The following LGALS8 variants were observed in gnomAD, a reference collection of about 807,000 sequenced individuals.
The protein encoded by LGALS8 is galectin-8.
LGALS8 carries 30 observed loss-of-function variants against 35.9 expected under a neutral mutation model. That is an observed-to-expected ratio of 0.83 (90% CI 0.62 to 1.13). The LOEUF (loss-of-function observed/expected upper bound fraction) is 1.13. LGALS8 is among the 50% of genes most tolerant of loss of function. The probability of loss-of-function intolerance (pLI) is 0.00; values close to 1 mark genes in which losing one functional copy is unlikely to be tolerated. For synonymous variants in LGALS8, 138 were observed against 136.1 expected (o/e 1.01, Z -0.10); for missense variants, 366 against 388.7 (o/e 0.94, Z 0.49).
intron 3 of LGALS8, among the ~76,000 whole-genome samples, chr1:236,538,667 G>C (rs1171680124): frequency 6.6e-6 from 1 of 152,186 alleles, no homozygotes; most frequent in Non-Finnish European, 1.5e-5. Flanking sequence ...TTTTATTCTG[G>C]GCAGATTCAG....
intron 1 of LGALS8, chr1:236,524,319 G>A (rs1172551665): frequency 6.6e-6 from 3 of 456,624 alleles, no homozygotes; most frequent in Non-Finnish European, 1.3e-5. Flanking sequence ...GCCTTTCTTG[G>A]ACATCCCTGG....
intron 2 of LGALS8, among the ~76,000 whole-genome samples, chr1:236,534,695 C>T (rs1305418022): frequency 1.3e-5 from 2 of 151,868 alleles, no homozygotes; most frequent in African/African-American, 4.8e-5. Flanking sequence ...AGCAAGTGGC[C>T]ACCGTTCTTA....
At position 236,550,829 on chromosome 1, in the gene LGALS8, C is replaced by G. The variant is rs1305117589; in HGVS notation, c.*2668C>G. 2.6e-5 allele frequency: 31 copies of G among 1,183,926 alleles called. No individual in the cohort carries two copies. Among genetic ancestry groups the G allele is most frequent in the Non-Finnish European group, 3.6e-5 (30 of 828,240 alleles). 73.3% of individuals were successfully genotyped at this position (1,183,926 alleles called of 1,614,324 possible). ...TTAAGGCACCAAAAGTAACATGGCA[C>G]CCAACACCCAAAAATAAAAATATGA... is the stretch of plus-strand genomic sequence containing the variant. On this transcript the variant is annotated 3_prime_UTR_variant, in exon 10 of 10. Coordinates refer to ENST00000366584, the MANE Select transcript of LGALS8 (RefSeq NM_201544.4).
chr1:236,532,717 A>T (rs1344252004), intron 2 of LGALS8, among the ~76,000 whole-genome samples: 1 of 152,058 alleles, frequency 6.6e-6, no homozygotes, highest in African/African-American at 2.4e-5. Context: ...GGTGGCAGGC[A>T]CCTGTAATCC....
At chr1:236,541,487 C>A (rs1051065863) in intron 5 of LGALS8, 167 bp from the exon 6 acceptor site, 8 of 499,332 alleles carry the variant, frequency 1.6e-5, no homozygotes, top group Non-Finnish European at 2.8e-5. Context: ...TAATGTTTGC[C>A]AATCTGATGG....
At chr1:236,545,119 C>T (rs1662283926) in intron 9 of LGALS8, 1 of 416,864 alleles carries the variant, frequency 2.4e-6, no homozygotes, top group East Asian at 3.7e-5. Context: ...AAATTATGCA[C>T]ATTGGAATTG....
chr1:236,524,286 A>G (rs1477890428), intron 1 of LGALS8: 2 of 456,502 alleles, frequency 4.4e-6, no homozygotes. Context: ...GCTCCGGGGC[A>G]TAAGGGATTA....
chr1:236,543,865 C>A (rs1482211272), intron 8 of LGALS8, among the ~76,000 whole-genome samples: 1 of 152,058 alleles, frequency 6.6e-6, no homozygotes, highest in Non-Finnish European at 1.5e-5. Flanking sequence ...TCTGGCCAGA[C>A]AAGAGAGTAG....
chr1:236,542,551 G>C (rs1662068373), intron 6 of LGALS8: 6 of 602,934 alleles, frequency 1.0e-5, no homozygotes, highest in Non-Finnish European at 1.8e-5. Flanking sequence ...CAGATGAACA[G>C]GGATATCAGA....
intron 2 of LGALS8, 33 bp from the exon 3 acceptor site, chr1:236,537,460 TTATG>T: frequency 1.5e-6 from 2 of 1,303,610 alleles, no homozygotes; most frequent in South Asian, 2.3e-5. Context: ...GTAATTTTGT[TTATG>T]TAAACGTACA....
At chr1:236,528,673 A>G (rs1358601249) in intron 2 of LGALS8, among the ~76,000 whole-genome samples, 1 of 149,862 alleles carries the variant, frequency 6.7e-6, no homozygotes, top group African/African-American at 2.5e-5. Context: ...AGCTGGGACT[A>G]CAGGCATGCA....
At chr1:236,541,451 T>C in intron 5 of LGALS8, 1 of 455,398 alleles carries the variant, frequency 2.2e-6, no homozygotes, top group Non-Finnish European at 3.9e-6. Flanking sequence ...TCCCACCTTC[T>C]TGCTGACATT....
At chr1:236,538,785 T>C in intron 3 of LGALS8, 94 bp from the exon 4 acceptor site, 1 of 843,768 alleles carries the variant, frequency 1.2e-6, no homozygotes. Flanking sequence ...GTCAGTCCCT[T>C]GTCACTGGGC....
In LGALS8 at chr1:236,525,988, T is replaced by A. The variant is rs191591883; in HGVS notation, c.-83T>A. ...CACAGGGCCAGTGCCTCAGTTTCAATCCAGGTAACCTTTAAATGAAACTTG... is the reference window on the plus strand; with the variant it reads ...CACAGGGCCAGTGCCTCAGTTTCAAACCAGGTAACCTTTAAATGAAACTTG... On this transcript the variant is annotated 5_prime_UTR_variant, in exon 2 of 10. Transcript: ENST00000366584. 167 of 1,082,966 alleles carry A rather than the reference T, an allele frequency of 1.5e-4. No homozygotes were observed. Among genetic ancestry groups the A allele is most frequent in the Non-Finnish European group, 2.2e-4 (155 of 711,918 alleles). The allele number at this position is 1,082,966 out of a possible 1,614,324, so 67.1% of individuals were successfully genotyped here.
intron 9 of LGALS8, among the ~76,000 whole-genome samples, chr1:236,545,613 T>C (rs1416903592): frequency 2.0e-5 from 3 of 152,304 alleles, no homozygotes; most frequent in East Asian, 1.9e-4. Context: ...GTCTGGACCA[T>C]GTGGGTTCTT....
At chr1:236,530,401 A>T (rs1280906731) in intron 2 of LGALS8, among the ~76,000 whole-genome samples, 1 of 151,932 alleles carries the variant, frequency 6.6e-6, no homozygotes, top group East Asian at 1.9e-4. Flanking sequence ...CTGAGAGTGG[A>T]TTTCCTCACT....
chr1:236,540,756 A>T, intron 5 of LGALS8, 73 bp downstream of exon 5: 1 of 1,422,516 alleles, frequency 7.0e-7, no homozygotes, highest in Non-Finnish European at 9.5e-7. Context: ...AAATCTTCAA[A>T]TAACACTTCT....
At chr1:236,540,764 T>C in intron 5 of LGALS8, 81 bp downstream of exon 5, 2 of 1,368,770 alleles carry the variant, frequency 1.5e-6, no homozygotes, top group Non-Finnish European at 2.0e-6. Context: ...AAATAACACT[T>C]CTATTGACAT....
chr1:236,539,118 C>A, intron 4 of LGALS8, 29 bp downstream of exon 4: 1 of 1,575,224 alleles, frequency 6.3e-7, no homozygotes, highest in Non-Finnish European at 8.7e-7. Flanking sequence ...CAGGTTGAGT[C>A]CTCATTAGTG....
Sources: gnomAD v4.1 joint callset for allele counts (sites outside exome capture counted in the v4.1 genomes callset) on GRCh38, gnomAD v4.1.1 for gene constraint, MANE v1.5 for transcripts, NCBI Gene and HGNC (gene_info 2026-07-23, HGNC 2026-07-21) for gene names.